The following BMAL1 variants were observed in gnomAD, a reference collection of about 807,000 sequenced individuals.
The protein encoded by BMAL1 is basic helix-loop-helix ARNT like 1, also known as basic helix-loop-helix ARNT-like protein 1.
the BMAL1 span, chr11:13,369,638 G>C: frequency 4.3e-6 from 7 of 1,613,882 alleles, no homozygotes; most frequent in Non-Finnish European, 5.9e-6. Flanking sequence ...AGTTAAAACA[G>C]ATATAACCCC....
chr11:13,277,407 G>A, the BMAL1 span, among the ~76,000 whole-genome samples: 10 of 152,198 alleles, frequency 6.6e-5, no homozygotes, highest in Admixed American at 2.6e-4. Flanking sequence ...GAGACCTGAG[G>A]GGAAAGGGAG....
chr11:13,327,500 G>T, the BMAL1 span, among the ~76,000 whole-genome samples: 1 of 152,182 alleles, frequency 6.6e-6, no homozygotes, highest in South Asian at 2.1e-4. Flanking sequence ...TTGCTTCCTT[G>T]CGCTTTTCTG....
the BMAL1 span, among the ~76,000 whole-genome samples, chr11:13,367,296 C>G: frequency 6.6e-6 from 1 of 152,200 alleles, no homozygotes. Flanking sequence ...CACATCGCTC[C>G]CTCTGCCCCC....
chr11:13,357,648 T>C, the BMAL1 span, among the ~76,000 whole-genome samples: 1 of 152,238 alleles, frequency 6.6e-6, no homozygotes, highest in East Asian at 1.9e-4. This position sits in a 1 kb window ranked among gnomAD's most constrained non-coding sequence, Gnocchi z 4.8. Flanking sequence ...CATGACAGAC[T>C]GATACAGGGG....
the BMAL1 span, among the ~76,000 whole-genome samples, chr11:13,353,048 C>T: frequency 2.6e-5 from 4 of 152,226 alleles, no homozygotes; most frequent in Non-Finnish European, 5.9e-5. Context: ...TTCATTTCAT[C>T]TCATGGCTTT....
the BMAL1 span, among the ~76,000 whole-genome samples, chr11:13,286,141 G>A: frequency 6.6e-6 from 1 of 152,212 alleles, no homozygotes; most frequent in South Asian, 2.1e-4. Context: ...AGTGGTGACT[G>A]TAGCTGAAAA....
chr11:13,279,835 A>G, the BMAL1 span, among the ~76,000 whole-genome samples: 75 of 152,380 alleles, frequency 4.9e-4, no homozygotes, highest in African/African-American at 1.5e-3. Context: ...CCAGTGAATG[A>G]TAACAATAAG....
At chr11:13,337,935 C>T in the BMAL1 span, among the ~76,000 whole-genome samples, 12 of 151,954 alleles carry the variant, frequency 7.9e-5, no homozygotes, top group East Asian at 1.5e-3. Flanking sequence ...TTTATCTGAC[C>T]CCTCTCACAA....
chr11:13,381,286 G>A, the BMAL1 span: 1 of 1,605,510 alleles, frequency 6.2e-7, no homozygotes, highest in South Asian at 1.1e-5. Context: ...CTAAGCTAGA[G>A]AACCTCTTGC....
the BMAL1 span, among the ~76,000 whole-genome samples, chr11:13,352,060 ATGG>A: frequency 2.0e-5 from 3 of 152,204 alleles, no homozygotes; most frequent in East Asian, 3.9e-4. Flanking sequence ...GGGTTCTGAA[ATGG>A]TGGTCTCGAG....
chr11:13,366,698 C>T, the BMAL1 span: 2 of 1,613,934 alleles, frequency 1.2e-6, no homozygotes, highest in African/African-American at 2.7e-5. Flanking sequence ...GTTTGACTAC[C>T]TGCATCCTAA....
At chr11:13,297,808 T>C in the BMAL1 span, among the ~76,000 whole-genome samples, 1 of 152,230 alleles carries the variant, frequency 6.6e-6, no homozygotes, top group African/African-American at 2.4e-5. Context: ...TCTCTTATTC[T>C]GTGAAAGAGT....
chr11:13,296,526 T>A, the BMAL1 span, among the ~76,000 whole-genome samples: 1 of 152,226 alleles, frequency 6.6e-6, no homozygotes, highest in African/African-American at 2.4e-5. Flanking sequence ...GGGGAGCTTA[T>A]TACTATCTCA....
the BMAL1 span, among the ~76,000 whole-genome samples, chr11:13,295,070 G>A: frequency 6.6e-5 from 10 of 152,218 alleles, no homozygotes; most frequent in African/African-American, 2.4e-4. Flanking sequence ...TGAGCTGGCC[G>A]AGCTTCCCTG....
chr11:13,366,161 T>G, the BMAL1 span, among the ~76,000 whole-genome samples: 2 of 152,252 alleles, frequency 1.3e-5, no homozygotes, highest in East Asian at 3.8e-4. Context: ...GGCAGAAGAC[T>G]TGAAGAATCA....
At chr11:13,340,227 T>C in the BMAL1 span, among the ~76,000 whole-genome samples, 1 of 152,182 alleles carries the variant, frequency 6.6e-6, no homozygotes, top group Admixed American at 6.5e-5. Context: ...GGGTGGGACA[T>C]AAGAGATGCC....
chr11:13,351,789 C>T, the BMAL1 span, among the ~76,000 whole-genome samples: 1 of 152,152 alleles, frequency 6.6e-6, no homozygotes, highest in Admixed American at 6.5e-5. Context: ...GCCATTGGAT[C>T]TAGCAGTGAG....
chr11:13,366,840 T>G, the BMAL1 span: 1 of 1,419,454 alleles, frequency 7.0e-7, no homozygotes, highest in Non-Finnish European at 9.9e-7. Context: ...CAGCCAACCC[T>G]GAGTGAGCAG....
the BMAL1 span, chr11:13,385,751 G>T: frequency 3.1e-6 from 5 of 1,613,520 alleles, no homozygotes; most frequent in Non-Finnish European, 4.2e-6. Context: ...AGGCTCAGGA[G>T]AACCCAGGTT....
Sources: gnomAD v4.1 joint callset for allele counts (sites outside exome capture counted in the v4.1 genomes callset) on GRCh38, gnomAD v4.1.1 for gene constraint, Gnocchi (gnomAD v3.1) non-coding constraint, MANE v1.5 for transcripts, NCBI Gene and HGNC (gene_info 2026-07-23, HGNC 2026-07-21) for gene names.